Variants in PTPRM observed in about 807,000 individuals in gnomAD.
PTPRM encodes protein tyrosine phosphatase receptor type M.
Under a neutral mutation model 186.7 loss-of-function variants are expected in PTPRM, and 47 were observed. The ratio of observed to expected loss-of-function variants is 0.25; its 90% CI spans 0.20 to 0.32. PTPRM has a LOEUF of 0.32. Ranked by LOEUF, PTPRM falls within the 10% of genes least tolerant of loss-of-function variation. The pLI is 1.00. For synonymous variants in PTPRM, 668 were observed against 674.9 expected, an observed-to-expected ratio of 0.99 and a Z score of 0.16; for missense variants, 1,494 against 1,865.0, an observed-to-expected ratio of 0.80 and a Z score of 3.66.
intron 20 of PTPRM, among the ~76,000 whole-genome samples, chr18:8,308,276 G>A (rs1256449484): frequency 6.6e-6 from 1 of 152,176 alleles, no homozygotes; most frequent in Non-Finnish European, 1.5e-5. Context: ...CACCTAATTG[G>A]CTACAGCTAG....
At chr18:8,268,743 A>G (rs940879157) in intron 19 of PTPRM, among the ~76,000 whole-genome samples, 10 of 152,108 alleles carry the variant, frequency 6.6e-5, no homozygotes, top group African/African-American at 2.2e-4. Flanking sequence ...AATGGGATTT[A>G]TCCCTGGGGT....
At chr18:8,154,019 A>G (rs2093068037) in intron 14 of PTPRM, among the ~76,000 whole-genome samples, 1 of 152,192 alleles carries the variant, frequency 6.6e-6, no homozygotes, top group African/African-American at 2.4e-5. Flanking sequence ...TTCTAGAAGT[A>G]CCGCATGTGT....
intron 23 of PTPRM, among the ~76,000 whole-genome samples, chr18:8,353,356 G>T (rs1297187196): frequency 6.6e-6 from 1 of 152,138 alleles, no homozygotes; most frequent in Non-Finnish European, 1.5e-5. Flanking sequence ...TGTTCTAATT[G>T]GTATTGAAAA....
chr18:8,362,531 G>A (rs923867399), intron 23 of PTPRM, among the ~76,000 whole-genome samples: 1 of 152,030 alleles, frequency 6.6e-6, no homozygotes, highest in East Asian at 1.9e-4. Flanking sequence ...TCGGAGGATC[G>A]CGCCCTCCCA....
intron 1 of PTPRM, among the ~76,000 whole-genome samples, chr18:7,712,865 C>G (rs552086420): frequency 2.6e-5 from 4 of 152,118 alleles, no homozygotes; most frequent in Middle Eastern, 3.4e-3. Flanking sequence ...CAATATGGGA[C>G]TGTGTGAAAA....
At chr18:7,625,022 A>G (rs2038027034) in intron 1 of PTPRM, among the ~76,000 whole-genome samples, 1 of 152,232 alleles carries the variant, frequency 6.6e-6, no homozygotes, top group East Asian at 1.9e-4. Context: ...AAGGAACTCA[A>G]AATGATCACT....
At chr18:8,261,374 G>A (rs536091774) in intron 19 of PTPRM, among the ~76,000 whole-genome samples, 26 of 152,230 alleles carry the variant, frequency 1.7e-4, no homozygotes, top group African/African-American at 6.3e-4. Context: ...TTATGGTGCT[G>A]GTGAGCCAGG....
chr18:8,166,663 C>T (rs1028729589), intron 14 of PTPRM, among the ~76,000 whole-genome samples: 7 of 152,114 alleles, frequency 4.6e-5, no homozygotes, highest in African/African-American at 7.2e-5. Flanking sequence ...CTTACTAAGC[C>T]CTGCTGTAAG....
intron 22 of PTPRM, among the ~76,000 whole-genome samples, chr18:8,329,773 T>C (rs964567245): frequency 7.4e-4 from 112 of 152,218 alleles, no homozygotes; most frequent in African/African-American, 2.6e-3. Flanking sequence ...ACCCACAGAT[T>C]TGGGGACTTC....
intron 8 of PTPRM, among the ~76,000 whole-genome samples, chr18:8,074,753 G>T (rs2089701618): frequency 6.6e-6 from 1 of 152,056 alleles, no homozygotes; most frequent in Admixed American, 6.6e-5. Context: ...TGTACTATTT[G>T]TTATCTTATT....
chr18:8,256,609 T>C (rs547053559), intron 19 of PTPRM, among the ~76,000 whole-genome samples: 1 of 152,346 alleles, frequency 6.6e-6, no homozygotes, highest in African/African-American at 2.4e-5. Flanking sequence ...CATAGCAGTC[T>C]GAGGATAGAG....
At chr18:8,116,820 A>T (rs1354682602) in intron 13 of PTPRM, among the ~76,000 whole-genome samples, 2 of 152,188 alleles carry the variant, frequency 1.3e-5, no homozygotes, top group Non-Finnish European at 2.9e-5. Context: ...ATGATTAAGC[A>T]ATCAGATGAC....
In PTPRM at chr18:7,904,817, A is replaced by G. The variant is rs79799037; in HGVS notation, c.469-1688A>G. On this transcript the variant is annotated intron_variant, in intron 3 of 32. Coordinates refer to ENST00000580170, the MANE Select transcript of PTPRM (RefSeq NM_001105244.2). Reference sequence around the variant, plus strand: ...GTTAGGTTGTATTTTAAGACTTACCATCATGAGTCATGGTTCCCCGGTGAG... The same window carrying G: ...GTTAGGTTGTATTTTAAGACTTACCGTCATGAGTCATGGTTCCCCGGTGAG... Among the ~76,000 whole-genome samples, 3 of 152,326 alleles carry G rather than the reference A, an allele frequency of 2.0e-5. No homozygotes were observed. In the East Asian group the frequency reaches 5.8e-4, roughly 29 times the overall value.
intron 1 of PTPRM, among the ~76,000 whole-genome samples, chr18:7,690,872 A>C (rs905387183): frequency 6.6e-6 from 1 of 152,194 alleles, no homozygotes; most frequent in Admixed American, 6.5e-5. Flanking sequence ...CTTCAAGTGT[A>C]TACTTCTTTT....
chr18:7,834,560 C>A (rs984902632), intron 2 of PTPRM, among the ~76,000 whole-genome samples: 5 of 102,202 alleles, frequency 4.9e-5, no homozygotes, highest in Non-Finnish European at 1.0e-4. Context: ...GTCAGTATGA[C>A]CCTGTTACCA....
At chr18:7,834,992 C>CTTTTTTTTTTTTTTTTTTTTTTTTTTTT (rs57839485) in intron 2 of PTPRM, among the ~76,000 whole-genome samples, 1 of 85,266 alleles carries the variant, frequency 1.2e-5, no homozygotes, top group African/African-American at 4.5e-5. Context: ...TTATTTGGAT[C>CTTTTTTTTTTTTTTTTTTTTTTTTTTTT]TTTTTTTTTT....
chr18:7,900,796 A>G (rs1469896750), intron 3 of PTPRM, among the ~76,000 whole-genome samples: 1 of 152,244 alleles, frequency 6.6e-6, no homozygotes, highest in Non-Finnish European at 1.5e-5. Flanking sequence ...GGAAAATTAG[A>G]TAATATATGC....
At chr18:8,211,377 CTTTTT>C (rs970926126) in intron 14 of PTPRM, among the ~76,000 whole-genome samples, 2,836 of 87,254 alleles carry the variant, frequency 0.033, 26 homozygotes, top group Non-Finnish European at 0.044. Context: ...GTCTCTTCTT[CTTTTT>C]TTTTTTTTTT....
At chr18:7,907,532 C>T (rs1224253656) in intron 4 of PTPRM, among the ~76,000 whole-genome samples, 2 of 152,182 alleles carry the variant, frequency 1.3e-5, no homozygotes, top group Non-Finnish European at 2.9e-5. Flanking sequence ...ATGACCCTTG[C>T]CTAGACATTC....
Sources: gnomAD v4.1 joint callset for allele counts (sites outside exome capture counted in the v4.1 genomes callset) on GRCh38, gnomAD v4.1.1 for gene constraint, MANE v1.5 for transcripts, NCBI Gene and HGNC (gene_info 2026-07-23, HGNC 2026-07-21) for gene names.